PLCL2: variants seen among roughly 807,000 people sequenced by gnomAD.
PLCL2 encodes inactive phospholipase C-like protein 2.
PLCL2 carries 4 observed loss-of-function variants against 79.6 expected under a neutral mutation model. The ratio of observed to expected loss-of-function variants is 0.05; its 90% CI spans 0.02 to 0.11. The LOEUF (loss-of-function observed/expected upper bound fraction) is 0.11, where lower values mean the gene tolerates loss of function less well. PLCL2 is among the 10% of genes least tolerant of loss of function. PLCL2 has a pLI of 1.00. For missense variants in PLCL2, 895 were observed against 1,291.0 expected (o/e 0.69, Z 4.70); for synonymous variants, 484 against 457.7 (o/e 1.06, Z -0.73).
intron 1 of PLCL2, among the ~76,000 whole-genome samples, chr3:16,979,191 C>G (rs368444750): frequency 5.9e-5 from 9 of 152,102 alleles, no homozygotes; most frequent in African/African-American, 1.7e-4. Flanking sequence ...TTAAAAGCCT[C>G]AATTAAATCT....
At chr3:17,049,525 A>T in intron 4 of PLCL2, among the ~76,000 whole-genome samples, 1 of 152,230 alleles carries the variant, frequency 6.6e-6, no homozygotes, top group East Asian at 1.9e-4. Context: ...TAGCATTTCT[A>T]TATGCCAACA....
intron 1 of PLCL2, among the ~76,000 whole-genome samples, chr3:16,992,872 A>T (rs1225543499): frequency 6.6e-6 from 1 of 152,202 alleles, no homozygotes; most frequent in Non-Finnish European, 1.5e-5. Context: ...CCAAAGATAC[A>T]CATGGCTGTT....
intron 1 of PLCL2, among the ~76,000 whole-genome samples, chr3:16,993,851 T>A (rs2064127275): frequency 6.6e-6 from 1 of 152,214 alleles, no homozygotes; most frequent in Admixed American, 6.5e-5. Flanking sequence ...CTGAGCTTCT[T>A]GGTTTTATAG....
At chr3:16,947,019 G>A (rs1270016331) in intron 1 of PLCL2, among the ~76,000 whole-genome samples, 5 of 135,838 alleles carry the variant, frequency 3.7e-5, no homozygotes, top group African/African-American at 8.5e-5. Context: ...GCAGTGGCAC[G>A]GTCATGGCTC....
intron 1 of PLCL2, among the ~76,000 whole-genome samples, chr3:16,926,281 A>C (rs1041888283): frequency 6.6e-6 from 1 of 152,228 alleles, no homozygotes. Context: ...AGAATCAGAC[A>C]GATGCAAGGG....
chr3:16,966,152 G>T (rs1192755651), intron 1 of PLCL2, among the ~76,000 whole-genome samples: 1 of 149,594 alleles, frequency 6.7e-6, no homozygotes, highest in Admixed American at 6.7e-5. Context: ...TTGGCTGTGA[G>T]TTTGTCATAA....
intron 4 of PLCL2, among the ~76,000 whole-genome samples, chr3:17,045,933 C>T (rs1373652154): frequency 6.6e-6 from 1 of 152,088 alleles, no homozygotes; most frequent in Non-Finnish European, 1.5e-5. Flanking sequence ...AGAACACCAA[C>T]TTTGGGGGTG....
At chr3:16,972,878 T>C (rs959682075) in intron 1 of PLCL2, among the ~76,000 whole-genome samples, 1 of 152,178 alleles carries the variant, frequency 6.6e-6, no homozygotes, top group African/African-American at 2.4e-5. Flanking sequence ...ATGGATGTCA[T>C]TGCATATAAA....
chr3:17,074,943 A>G (rs1454642949), intron 5 of PLCL2, among the ~76,000 whole-genome samples: 2 of 152,244 alleles, frequency 1.3e-5, no homozygotes, highest in East Asian at 1.9e-4. Flanking sequence ...TCTCCATATC[A>G]GCAATAAGGC....
At chr3:16,909,983 C>G (rs1696838516) in intron 1 of PLCL2, among the ~76,000 whole-genome samples, 1 of 152,168 alleles carries the variant, frequency 6.6e-6, no homozygotes, top group Non-Finnish European at 1.5e-5. Context: ...ATGAACTCGC[C>G]TGGATCCTGC....
intron 1 of PLCL2, among the ~76,000 whole-genome samples, chr3:17,002,919 G>T (rs1176701572): frequency 2.0e-5 from 3 of 149,498 alleles, no homozygotes; most frequent in Non-Finnish European, 4.5e-5. Flanking sequence ...TCTGATGTGG[G>T]TTTTTTTTTT....
intron 1 of PLCL2, among the ~76,000 whole-genome samples, chr3:16,889,585 G>A (rs1696300761): frequency 6.6e-6 from 1 of 152,190 alleles, no homozygotes; most frequent in Admixed American, 6.5e-5. Flanking sequence ...CATTGTCATA[G>A]TGTCATGTGG....
chr3:17,031,505 A>G (rs4535211), intron 3 of PLCL2, among the ~76,000 whole-genome samples: 90,737 of 152,098 alleles, frequency 0.6, 27,565 homozygotes, highest in African/African-American at 0.71. Flanking sequence ...TGTCGTGTAA[A>G]CATATCATTA....
intron 1 of PLCL2, among the ~76,000 whole-genome samples, chr3:16,958,207 G>A (rs2063724328): frequency 6.6e-6 from 1 of 152,088 alleles, no homozygotes; most frequent in South Asian, 2.1e-4. Flanking sequence ...GAGCAGTACT[G>A]TTATCCTTTC....
At chr3:16,957,577 G>A (rs1400908087) in intron 1 of PLCL2, among the ~76,000 whole-genome samples, 4 of 152,018 alleles carry the variant, frequency 2.6e-5, no homozygotes, top group Non-Finnish European at 5.9e-5. Flanking sequence ...CAATTCCTGG[G>A]TATCCTTGTT....
At chr3:16,890,550 C>T (rs575902591) in intron 1 of PLCL2, among the ~76,000 whole-genome samples, 12 of 152,286 alleles carry the variant, frequency 7.9e-5, no homozygotes, top group African/African-American at 2.9e-4. Context: ...TTTCTTCAGA[C>T]TTTATACTTA....
At chr3:16,946,389 A>C (rs1203373000) in intron 1 of PLCL2, among the ~76,000 whole-genome samples, 2 of 151,854 alleles carry the variant, frequency 1.3e-5, no homozygotes, top group African/African-American at 4.8e-5. Context: ...AGGAGGATCA[A>C]AATGAAAGCT....
At chr3:16,927,900 T>C (rs774183180) in intron 1 of PLCL2, among the ~76,000 whole-genome samples, 6 of 152,236 alleles carry the variant, frequency 3.9e-5, no homozygotes, top group Non-Finnish European at 7.3e-5. Flanking sequence ...GAGCTTTCAA[T>C]GTGATATCTA....
At chr3:16,889,720 CTT>C (rs1426580481) in intron 1 of PLCL2, among the ~76,000 whole-genome samples, 6 of 152,146 alleles carry the variant, frequency 3.9e-5, no homozygotes, top group Admixed American at 1.3e-4. Flanking sequence ...TGAAATAAAA[CTT>C]TTATGTGTGT....
Sources: allele counts gnomAD v4.1 joint callset (sites outside exome capture counted in the v4.1 genomes callset), GRCh38; gene constraint gnomAD v4.1.1; transcripts MANE v1.5; gene names NCBI Gene and HGNC (gene_info 2026-07-23, HGNC 2026-07-21).